CUBN: variants seen among roughly 807,000 people sequenced by gnomAD.
CUBN encodes the protein cubilin.
CUBN carries 282 observed loss-of-function variants against 405.3 expected under a neutral mutation model. That is an observed-to-expected ratio of 0.70 (90% CI 0.63 to 0.77). CUBN has a LOEUF of 0.77. Among genes scored for constraint, CUBN ranks in the 30% least tolerant of loss-of-function variants. CUBN has a pLI of 0.00. For missense variants in CUBN, 4,514 were observed against 4,475.2 expected (o/e 1.01, Z -0.25); for synonymous variants, 1,684 against 1,617.0 (o/e 1.04, Z -0.99).
intron 59 of CUBN, among the ~76,000 whole-genome samples, chr10:16,855,131 G>T (rs970079230): frequency 1.6e-5 from 2 of 122,854 alleles, no homozygotes; most frequent in Admixed American, 2.1e-4. Flanking sequence ...CTTTCTTCTA[G>T]ATGAGGACTT....
rs376128643 is a variant in CUBN at position 16,899,050 on chromosome 10, G to A, written c.8544C>T (p.Asp2848=). The A allele has an allele frequency of 6.2e-6, 10 of 1,613,560 alleles. No individual in the cohort carries two copies. The highest frequency in any genetic ancestry group is 7.6e-6 in the Non-Finnish European group (9 of 1,179,592). The change falls in exon 54 of 67, where the codon GAC becomes GAT. Residue 2848 remains aspartate (D), a synonymous_variant. Transcript: ENST00000377833. The part of the protein sequence containing the change: ...HKSKHLEISF[D]NNFLIPSGDG... ...CACCGCTGGGGATTAGGAAGTTGTT[G>A]TCAAAGCTGATCTCCAAGTGTTTAC...
chr10:17,021,838 G>A (rs527712309), intron 27 of CUBN, among the ~76,000 whole-genome samples: 1 of 152,174 alleles, frequency 6.6e-6, no homozygotes, highest in Admixed American at 6.5e-5. Context: ...ACATCCCCAG[G>A]CATTCTTGTT....
At chr10:17,011,898 C>T (rs1270971783) in intron 28 of CUBN, among the ~76,000 whole-genome samples, 1 of 152,142 alleles carries the variant, frequency 6.6e-6, no homozygotes, top group East Asian at 1.9e-4. Flanking sequence ...CAAGTCCCCA[C>T]CTGACCCAGA....
intron 39 of CUBN, 82 bp downstream of exon 39, chr10:16,937,509 GA>G (rs1270247913): frequency 8.6e-7 from 1 of 1,167,528 alleles, no homozygotes; most frequent in Non-Finnish European, 1.3e-6. Context: ...TTTTATATCT[GA>G]CCCCTGTTAT....
At chr10:16,923,398 G>C (rs74116768) in intron 43 of CUBN, among the ~76,000 whole-genome samples, 2,738 of 152,224 alleles carry the variant, frequency 0.018, 87 homozygotes, top group African/African-American at 0.062. Flanking sequence ...GTTCACAAAA[G>C]GACCTAGGTT....
intron 36 of CUBN, among the ~76,000 whole-genome samples, chr10:16,944,841 C>T (rs11254288): frequency 0.099 from 15,030 of 152,104 alleles, 1,065 homozygotes; most frequent in African/African-American, 0.2. Context: ...TAGTGCTGCC[C>T]GTTTGGATTT....
At chr10:16,827,764 C>A (rs543579856) in intron 66 of CUBN, among the ~76,000 whole-genome samples, 5 of 152,200 alleles carry the variant, frequency 3.3e-5, no homozygotes, top group East Asian at 1.9e-4. Flanking sequence ...ACTATACCAG[C>A]TAATTTTTGT....
intron 39 of CUBN, among the ~76,000 whole-genome samples, chr10:16,936,176 A>C (rs1842498861): frequency 6.6e-6 from 1 of 152,176 alleles, no homozygotes; most frequent in Admixed American, 6.5e-5. Flanking sequence ...ATAAAATATT[A>C]GAAGAAAATT....
intron 59 of CUBN, among the ~76,000 whole-genome samples, chr10:16,863,780 C>T (rs1437950248): frequency 6.6e-6 from 1 of 152,002 alleles, no homozygotes; most frequent in Non-Finnish European, 1.5e-5. Flanking sequence ...TCTCTGTCTC[C>T]TTCTTTCTTT....
intron 27 of CUBN, among the ~76,000 whole-genome samples, chr10:17,020,193 C>A (rs1282997824): frequency 1.3e-5 from 2 of 152,042 alleles, no homozygotes; most frequent in African/African-American, 4.8e-5. Flanking sequence ...TTCCTAAGCC[C>A]AATAAATTTG....
At chr10:17,003,066 T>G (rs1214332462) in intron 28 of CUBN, among the ~76,000 whole-genome samples, 2 of 152,186 alleles carry the variant, frequency 1.3e-5, no homozygotes, top group African/African-American at 4.8e-5. Flanking sequence ...GGATATAGCA[T>G]GTATAAATGT....
rs1840975524 is a variant in CUBN, at chr10:16,890,545, A to G, written c.8599-18T>C. On this transcript the variant is annotated intron_variant, in intron 54 of 66. Transcript: ENST00000377833. The stretch of plus-strand genomic sequence containing the variant: ...GCCCACACCTAGCACGGACATACAC[A>G]GAACTTTAATGCTCAAGGGTTTCCC... 1.2e-6 allele frequency: 2 copies of G among 1,614,080 alleles called. No individual in the cohort carries two copies. Among genetic ancestry groups the G allele is most frequent in the Admixed American group, 1.7e-5 (1 of 60,030 alleles).
chr10:16,967,872 G>GGA (rs1843442066), intron 31 of CUBN, among the ~76,000 whole-genome samples: 3 of 144,674 alleles, frequency 2.1e-5, no homozygotes. Flanking sequence ...GGAGAGACAG[G>GGA]GAGAGAGAGA....
chr10:16,902,321 G>GTA (rs950616236), intron 51 of CUBN, among the ~76,000 whole-genome samples: 10 of 137,456 alleles, frequency 7.3e-5, no homozygotes, highest in Non-Finnish European at 3.1e-5. Flanking sequence ...ATATATATTT[G>GTA]TATATATATA....
At chr10:17,016,988 T>C (rs1834344354) in intron 28 of CUBN, among the ~76,000 whole-genome samples, 1 of 152,092 alleles carries the variant, frequency 6.6e-6, no homozygotes, top group Admixed American at 6.6e-5. Context: ...TTTATCCCCA[T>C]CAGAGAGAGA....
chr10:17,096,453 C>T (rs1309066016), intron 14 of CUBN, among the ~76,000 whole-genome samples: 1 of 151,802 alleles, frequency 6.6e-6, no homozygotes, highest in Non-Finnish European at 1.5e-5. Flanking sequence ...GCTGGGAAAA[C>T]ATAAATGCTT....
chr10:17,105,505 C>G lies in CUBN; in HGVS notation c.1182G>C (p.Gln394His). 1 of 1,611,898 alleles carries G rather than the reference C, an allele frequency of 6.2e-7. No individual in the cohort carries two copies. The highest frequency in any genetic ancestry group is 8.5e-7 in the Non-Finnish European group (1 of 1,177,914). Residue 394 changes from glutamine to histidine, a missense_variant, in exon 11 of 67, where the codon CAG (glutamine) becomes CAC (histidine). Around this residue, in one of 5 missense-constraint regions of CUBN, gnomAD observed 1,448 missense variants for 1,388.0 expected, o/e 1.04. Coordinates refer to ENST00000377833, the MANE Select transcript of CUBN (RefSeq NM_001081.4). ...GNGYGPNGCV[Q>H]LSNICLSHPC... ...GGTGACTTAGGCAAATATTACTGAG[C>G]TGCACACATCCATTTGGCCCATAAC... is the stretch of plus-strand genomic sequence containing the variant.
chr10:16,963,080 G>A (rs1843279171), intron 31 of CUBN, among the ~76,000 whole-genome samples: 1 of 151,538 alleles, frequency 6.6e-6, no homozygotes, highest in Admixed American at 6.6e-5. Flanking sequence ...GATCAAATAA[G>A]ACAATGTATT....
Position 17,103,116 on chromosome 10 carries a change from T to G in CUBN, c.1530+9A>C, listed in dbSNP as rs1050679472. On this transcript the variant is annotated intron_variant, in intron 13 of 66. Coordinates refer to ENST00000377833, the MANE Select transcript of CUBN (RefSeq NM_001081.4). ...TAATATGCATTTGGGCAAGAGTTAC[T>G]ACATTTACCTTTCCCATTTCAGTTT... 2.6e-6 allele frequency: 4 copies of G among 1,516,170 alleles called. No individual in the cohort carries two copies. The highest frequency in any genetic ancestry group is 3.7e-6 in the Non-Finnish European group (4 of 1,090,738). The allele number at this position is 1,516,170 out of a possible 1,614,324, so 93.9% of individuals were successfully genotyped here.
Sources: gnomAD v4.1 joint callset for allele counts (sites outside exome capture counted in the v4.1 genomes callset) on GRCh38, gnomAD v4.1.1 for gene constraint, gnomAD v4.1.1 regional missense constraint, MANE v1.5 for transcripts, NCBI Gene and HGNC (gene_info 2026-07-23, HGNC 2026-07-21) for gene names.